FAF1: variants seen among roughly 807,000 people sequenced by gnomAD.
FAF1 encodes the protein Fas associated factor 1, also known as FAS-associated factor 1.
In FAF1, 25 loss-of-function variants were observed where a neutral mutation model predicts 92.5. The observed-to-expected ratio is 0.27, with a 90% confidence interval of 0.20 to 0.38. FAF1 has a LOEUF of 0.38. FAF1 is among the 10% of genes least tolerant of loss of function. The pLI, the probability that FAF1 is intolerant of heterozygous loss-of-function variation, is 1.00. For synonymous variants in FAF1, 234 were observed against 273.2 expected, an observed-to-expected ratio of 0.86 and a Z score of 1.42; for missense variants, 636 against 793.3, an observed-to-expected ratio of 0.80 and a Z score of 2.38.
At chr1:50,507,615 G>A (rs1448750993) in intron 15 of FAF1, among the ~76,000 whole-genome samples, 1 of 152,192 alleles carries the variant, frequency 6.6e-6, no homozygotes, top group East Asian at 1.9e-4. Context: ...TACTCAGGAA[G>A]CTGAGGTGGG....
At chr1:50,537,469 C>T (rs1648545949) in intron 14 of FAF1, among the ~76,000 whole-genome samples, 1 of 152,140 alleles carries the variant, frequency 6.6e-6, no homozygotes, top group Admixed American at 6.6e-5. Context: ...CCCCTTTACA[C>T]TGTTAAAAAT....
At position 50,659,065 on chromosome 1, in the gene FAF1, C is replaced by A. The variant is rs1254350464; in HGVS notation, c.658-3537G>T. Among the ~76,000 whole-genome samples the A allele has an allele frequency of 2.0e-5, 3 of 151,756 alleles. No homozygotes were observed. The South Asian group carries it at 6.3e-4, about 32-fold the overall frequency. ...ATAATCCTGCAGGGAAGAAAAAAAT[C>A]CAAAATGTACACAAAACATAAAAAC... On this transcript the variant is annotated intron_variant, in intron 7 of 18. Coordinates refer to ENST00000396153, the MANE Select transcript of FAF1 (RefSeq NM_007051.3).
chr1:50,476,133 T>C (rs1646637438), intron 17 of FAF1, among the ~76,000 whole-genome samples: 1 of 152,212 alleles, frequency 6.6e-6, no homozygotes, highest in African/African-American at 2.4e-5. Context: ...ATTATGTTTA[T>C]GTCAAAATGG....
At chr1:50,544,031 T>C (rs1375078322) in intron 13 of FAF1, among the ~76,000 whole-genome samples, 1 of 152,118 alleles carries the variant, frequency 6.6e-6, no homozygotes, top group Admixed American at 6.5e-5. Context: ...ATTGCTAAAC[T>C]AGCTTAATGA....
chr1:50,470,339 T>C (rs749553875), intron 18 of FAF1, among the ~76,000 whole-genome samples: 2 of 152,234 alleles, frequency 1.3e-5, no homozygotes, highest in Non-Finnish European at 2.9e-5. Context: ...AAAACTTGGA[T>C]GTCAGTATCA....
At chr1:50,786,045 AC>A (rs1252726603) in intron 4 of FAF1, among the ~76,000 whole-genome samples, 4 of 151,922 alleles carry the variant, frequency 2.6e-5, no homozygotes, top group Non-Finnish European at 5.9e-5. Flanking sequence ...AGGCAGGGGG[AC>A]TGCTTGAGCC....
intron 4 of FAF1, among the ~76,000 whole-genome samples, chr1:50,758,847 A>G (rs1311207078): frequency 2.0e-5 from 3 of 151,872 alleles, no homozygotes; most frequent in African/African-American, 7.3e-5. Context: ...TATTATTATT[A>G]TTGTTATTAT....
At chr1:50,797,910 C>A (rs76195937) in intron 3 of FAF1, among the ~76,000 whole-genome samples, 1,752 of 152,224 alleles carry the variant, frequency 0.012, 12 homozygotes, top group Non-Finnish European at 0.016. Flanking sequence ...TCTAAAACTT[C>A]AACCAAATAA....
intron 8 of FAF1, among the ~76,000 whole-genome samples, chr1:50,638,415 C>A (rs193136880): frequency 6.6e-6 from 1 of 151,216 alleles, no homozygotes; most frequent in African/African-American, 2.4e-5. Context: ...CCATTAAATA[C>A]GGTAGGTATT....
chr1:50,585,190 T>C (rs867750655), intron 9 of FAF1, among the ~76,000 whole-genome samples: 4 of 152,302 alleles, frequency 2.6e-5, no homozygotes, highest in Middle Eastern at 3.4e-3. Flanking sequence ...TTAATTTATA[T>C]TTGGCAGGTG....
intron 17 of FAF1, 122 bp downstream of exon 17, chr1:50,490,450 AGGAAGGAAGGAAAAAG>A (rs1557966728): frequency 3.6e-5 from 13 of 358,092 alleles, no homozygotes; most frequent in African/African-American, 3.3e-4. Context: ...GAAGGAAGGA[AGGAAGGAAGGAAAAAG>A]AAAGAAGGAA....
intron 6 of FAF1, among the ~76,000 whole-genome samples, chr1:50,737,026 C>T (rs1557501466): frequency 1.3e-5 from 2 of 152,122 alleles, no homozygotes; most frequent in Non-Finnish European, 2.9e-5. Context: ...AGTACATTAA[C>T]ATAACTTTTA....
intron 2 of FAF1, among the ~76,000 whole-genome samples, chr1:50,853,136 T>C (rs1201073127): frequency 6.6e-6 from 1 of 152,150 alleles, no homozygotes. Flanking sequence ...CTGCAGGTGT[T>C]CATAACACTG....
chr1:50,689,997 T>C (rs968499692), intron 7 of FAF1, among the ~76,000 whole-genome samples: 113 of 146,210 alleles, frequency 7.7e-4, no homozygotes, highest in African/African-American at 2.6e-3. Context: ...ATATTTCTTT[T>C]TTTTTTTTTT....
At chr1:50,949,206 C>T (rs1177863045) in intron 1 of FAF1, among the ~76,000 whole-genome samples, 1 of 152,228 alleles carries the variant, frequency 6.6e-6, no homozygotes, top group East Asian at 1.9e-4. Context: ...CTACACCAGA[C>T]CCACTGAGTC....
intron 8 of FAF1, among the ~76,000 whole-genome samples, chr1:50,646,400 T>C (rs571203025): frequency 6.6e-6 from 1 of 152,360 alleles, no homozygotes; most frequent in East Asian, 1.9e-4. Flanking sequence ...TTTATCCAAT[T>C]ACTATACTCA....
intron 13 of FAF1, among the ~76,000 whole-genome samples, chr1:50,557,245 T>C (rs1427538124): frequency 2.0e-5 from 3 of 152,236 alleles, no homozygotes; most frequent in South Asian, 2.1e-4. Flanking sequence ...AAGCAATCTA[T>C]TTAGGATTCT....
intron 1 of FAF1, among the ~76,000 whole-genome samples, chr1:50,917,650 AAAG>A (rs1644929219): frequency 7.4e-6 from 1 of 134,954 alleles, no homozygotes; most frequent in Non-Finnish European, 1.6e-5. Flanking sequence ...AAAGGAAAGG[AAAG>A]GAAAGGAAAG....
intron 4 of FAF1, among the ~76,000 whole-genome samples, chr1:50,763,147 AC>A (rs1368493611): frequency 6.6e-6 from 1 of 152,012 alleles, no homozygotes; most frequent in African/African-American, 2.4e-5. Context: ...AGTCCCAGCT[AC>A]TCGGGTGGCT....
Sources: allele counts gnomAD v4.1 joint callset (sites outside exome capture counted in the v4.1 genomes callset), GRCh38; gene constraint gnomAD v4.1.1; transcripts MANE v1.5; gene names NCBI Gene and HGNC (gene_info 2026-07-23, HGNC 2026-07-21).